MUC4: variants seen among roughly 807,000 people sequenced by gnomAD.
MUC4 encodes the protein mucin-4.
Under a neutral mutation model 257.9 loss-of-function variants are expected in MUC4, and 202 were observed. The ratio of observed to expected loss-of-function variants is 0.78; its 90% CI spans 0.70 to 0.88. MUC4 has a LOEUF of 0.88. Among genes scored for constraint, MUC4 ranks in the 40% least tolerant of loss-of-function variants. MUC4 has a pLI of 0.00. For synonymous variants in MUC4, 2,351 were observed against 2,757.1 expected (o/e 0.85, Z 4.62); for missense variants, 5,976 against 6,513.7 (o/e 0.92, Z 2.84).
chr3:195,747,366 G>C lies in MUC4; in HGVS notation c.16049C>G (p.Ser5350Cys), dbSNP rs1234551970. 1.2e-6 allele frequency: 2 copies of C among 1,612,910 alleles called. No individual in the cohort carries two copies. The highest frequency in any genetic ancestry group is 2.2e-5 in the South Asian group (2 of 91,022). ...SGPRCSCVSF[S>C]IYTAWGEHCE... Reference sequence around the variant, plus strand: ...GTGCTCGCCCCAGGCCGTGTAGATGGAGAAGGACACACAGCTGGTGACCAA... The same window carrying C: ...GTGCTCGCCCCAGGCCGTGTAGATGCAGAAGGACACACAGCTGGTGACCAA... Residue 5350 changes from serine (S) to cysteine (C), a missense_variant, in exon 25 of 25, where the codon TCC becomes TGC. Coordinates refer to ENST00000463781, the MANE Select transcript of MUC4 (RefSeq NM_018406.7).
chr3:195,770,486 C>T (rs1273632222), intron 5 of MUC4, 115 bp from the exon 6 acceptor site: 1 of 1,188,964 alleles, frequency 8.4e-7, no homozygotes, highest in East Asian at 2.4e-5. Flanking sequence ...GGCCTGCCCT[C>T]CCCTGTCCCA....
At position 195,789,079 on chromosome 3, in the gene MUC4, G is replaced by C. The variant is rs1310295274; in HGVS notation, c.2501C>G (p.Pro834Arg). 1.2e-6 allele frequency: 2 copies of C among 1,613,522 alleles called. No individual in the cohort carries two copies. The highest frequency in any genetic ancestry group is 1.7e-6 in the Non-Finnish European group (2 of 1,179,658). ...CTGGGTTGTGTGACTGTCCCTGGAG[G>C]GGTTTGATGAAAACCTTGTCGTCTC... Reference protein sequence around the residue: ...SGETTRFSSNPSRDSHTTQST... With the variant: ...SGETTRFSSNRSRDSHTTQST... The change falls in exon 2 of 25, where the codon CCC becomes CGC. Residue 834 changes from proline to arginine, a missense_variant. Pro to Arg is a moderately radical substitution (Grantham distance 103). Coordinates refer to ENST00000463781, the MANE Select transcript of MUC4 (RefSeq NM_018406.7).
rs1221509007 is a variant in MUC4 at position 195,763,604 on chromosome 3, A to G, written c.14082T>C (p.Asp4694=). 5 of 1,574,246 alleles carry G rather than the reference A, an allele frequency of 3.2e-6. No homozygotes were observed. The highest frequency in any genetic ancestry group is 4.3e-6 in the Non-Finnish European group (5 of 1,156,340). ...GCCCATTGAAGGTGTAACTGACACC[A>G]TCCAAGGTGGTGATGTGGGGGTCCC... ...MFGDPHITTL[D]GVSYTFNGLG... is the part of the protein sequence containing the mutation. The change falls in exon 12 of 25, where the codon GAT becomes GAC. Residue 4694 remains aspartate (D), a synonymous_variant. Transcript: ENST00000463781.
intron 7 of MUC4, 28 bp from the exon 8 acceptor site, chr3:195,766,779 T>G (rs1720595177): frequency 6.2e-7 from 1 of 1,604,366 alleles, no homozygotes; most frequent in African/African-American, 1.3e-5. Context: ...CTCTCAGGCC[T>G]CTGCCGTGCA....
At chr3:195,754,952 G>GTGTATCCACGTGTGTA (rs1553853220) in intron 18 of MUC4, among the ~76,000 whole-genome samples, 1 of 129,282 alleles carries the variant, frequency 7.7e-6, no homozygotes, top group Non-Finnish European at 1.7e-5. Flanking sequence ...ATCCATATGT[G>GTGTATCCACGTGTGTA]TGTATCCATG....
rs765417813 is a variant in MUC4, at chr3:195,765,254, G to A, written c.13798+16C>T. The A allele has an allele frequency of 6.1e-5, 98 of 1,599,948 alleles. No individual in the cohort carries two copies. The highest frequency in any genetic ancestry group is 8.4e-5 in the Admixed American group (5 of 59,512). ...GGTGGTGGGTGGGCTTGTGGGGGGCGGGAAGGAGGTGTCACCTATGCTGAC... is the reference window on the plus strand; with the variant it reads ...GGTGGTGGGTGGGCTTGTGGGGGGCAGGAAGGAGGTGTCACCTATGCTGAC... On this transcript the variant is annotated intron_variant, in intron 9 of 24. Coordinates refer to ENST00000463781, the MANE Select transcript of MUC4 (RefSeq NM_018406.7).
At chr3:195,808,177 T>C (rs1439683336) in intron 1 of MUC4, among the ~76,000 whole-genome samples, 1 of 152,114 alleles carries the variant, frequency 6.6e-6, no homozygotes, top group African/African-American at 2.4e-5. Flanking sequence ...TCAATCACCC[T>C]CCTTCCCCCG....
intron 21 of MUC4, 103 bp from the exon 22 acceptor site, chr3:195,751,374 C>T (rs866237786): frequency 1.9e-5 from 18 of 925,688 alleles, no homozygotes; most frequent in Admixed American, 1.4e-4. Flanking sequence ...CCTCCTGGAA[C>T]GGGAGCCCCA....
Position 195,779,766 on chromosome 3 carries a change from A to G in MUC4, c.11814T>C (p.Pro3938=). ...SASTGHATPL[P]VTSTSSASTG... ...TGGATGCTGAGGAAGTGCTGGTGACAGGAAGAGGGGTGGCATGTCCTGTGG... is the reference window on the plus strand; with the variant it reads ...TGGATGCTGAGGAAGTGCTGGTGACGGGAAGAGGGGTGGCATGTCCTGTGG... The change falls in exon 2 of 25, where the codon CCT becomes CCC. Residue 3938 remains proline (P), a synonymous_variant. Coordinates refer to ENST00000463781, the MANE Select transcript of MUC4 (RefSeq NM_018406.7). The G allele has an allele frequency of 8.6e-7, 1 of 1,168,238 alleles. No homozygotes were observed. Among genetic ancestry groups the G allele is most frequent in the Non-Finnish European group, 1.2e-6 (1 of 858,130 alleles). The allele number at this position is 1,168,238 out of a possible 1,614,324, so 72.4% of individuals were successfully genotyped here.
At chr3:195,752,050 G>A (rs564481377) in intron 21 of MUC4, 3 of 357,092 alleles carry the variant, frequency 8.4e-6, no homozygotes, top group South Asian at 6.4e-5. Context: ...AGAGGGAGCC[G>A]CCCGTTCCCT....
Position 195,747,227 on chromosome 3 carries a change from G to A in MUC4, c.16188C>T (p.Cys5396=), listed in dbSNP as rs1309535067. ...GTFVVLRFWG[C]SGARFSYFLN... Reference sequence around the variant, plus strand: ...GGAAATAGGAGAACCTGGCCCCGGAGCAACCCCAGAAGCGCAGGACCACGA... The same window carrying A: ...GGAAATAGGAGAACCTGGCCCCGGAACAACCCCAGAAGCGCAGGACCACGA... The change falls in exon 25 of 25, where the codon TGC becomes TGT. Residue 5396 remains cysteine (C), a synonymous_variant. Coordinates refer to ENST00000463781, the MANE Select transcript of MUC4 (RefSeq NM_018406.7). 1 of 1,614,284 alleles carries A rather than the reference G, an allele frequency of 6.2e-7. No individual in the cohort carries two copies. Among genetic ancestry groups the A allele is most frequent in the South Asian group, 1.1e-5 (1 of 91,086 alleles).
chr3:195,774,384 C>T, intron 3 of MUC4, 79 bp from the exon 4 acceptor site: 1 of 1,457,506 alleles, frequency 6.9e-7, no homozygotes, highest in Non-Finnish European at 9.0e-7. Flanking sequence ...CCAGAGCGCT[C>T]CCTGCAGGCT....
chr3:195,766,802 T>G (rs770125698), intron 7 of MUC4, 51 bp from the exon 8 acceptor site: 2 of 1,565,298 alleles, frequency 1.3e-6, no homozygotes, highest in South Asian at 2.2e-5. Context: ...GGCTCTTGCC[T>G]CGCGGTTGCA....
At chr3:195,750,791 A>T in intron 23 of MUC4, 98 bp downstream of exon 23, 1 of 1,185,044 alleles carries the variant, frequency 8.4e-7, no homozygotes, top group South Asian at 1.4e-5. Context: ...CCAAACAAAC[A>T]GAAAAACTCA....
At chr3:195,770,895 ACAAT>A (rs913236072) in intron 5 of MUC4, 9 of 457,544 alleles carry the variant, frequency 2.0e-5, no homozygotes, top group African/African-American at 1.8e-4. Context: ...GCCTGATTTT[ACAAT>A]CAAAGGCTGA....
At chr3:195,811,675 A>C in intron 1 of MUC4, 61 bp downstream of exon 1, 1 of 1,500,820 alleles carries the variant, frequency 6.7e-7, no homozygotes, top group Non-Finnish European at 9.2e-7. Context: ...TTTCTCTGAC[A>C]GCTCCCACCT....
intron 12 of MUC4, 83 bp from the exon 13 acceptor site, chr3:195,763,028 C>T: frequency 1.7e-6 from 2 of 1,168,866 alleles, no homozygotes; most frequent in Admixed American, 2.1e-5. Context: ...GCCCCTGGGG[C>T]TGGAAGCTGC....
intron 7 of MUC4, among the ~76,000 whole-genome samples, chr3:195,767,612 CCACCACCAT>C (rs202228542): frequency 3.8e-4 from 28 of 73,944 alleles, no homozygotes; most frequent in Middle Eastern, 9.3e-3. Flanking sequence ...ATCACCATTG[CCACCACCAT>C]CACCACCATC....
chr3:195,747,235 A>G lies in MUC4; in HGVS notation c.16180T>C (p.Trp5394Arg). ...GVGTFVVLRF[W>R]GCSGARFSYF... is the part of the protein sequence containing the mutation. ...GAGAACCTGGCCCCGGAGCAACCCCAGAAGCGCAGGACCACGAACGTCCCG... is the reference window on the plus strand; with the variant it reads ...GAGAACCTGGCCCCGGAGCAACCCCGGAAGCGCAGGACCACGAACGTCCCG... Residue 5394 changes from tryptophan to arginine, a missense_variant, in exon 25 of 25, where the codon TGG becomes CGG. Coordinates refer to ENST00000463781, the MANE Select transcript of MUC4 (RefSeq NM_018406.7). 2 of 1,614,286 alleles carry G rather than the reference A, an allele frequency of 1.2e-6. No individual in the cohort carries two copies. Among genetic ancestry groups the G allele is most frequent in the Non-Finnish European group, 1.7e-6 (2 of 1,180,050 alleles).
Sources: gnomAD v4.1 joint callset for allele counts (sites outside exome capture counted in the v4.1 genomes callset) on GRCh38, gnomAD v4.1.1 for gene constraint, MANE v1.5 for transcripts, NCBI Gene and HGNC (gene_info 2026-07-23, HGNC 2026-07-21) for gene names.